TBC1D5: variants seen among roughly 807,000 people sequenced by gnomAD.
The protein encoded by TBC1D5 is TBC1 domain family, member 5.
A neutral mutation model predicts 100.3 loss-of-function variants in TBC1D5; 75 were observed. The ratio of observed to expected loss-of-function variants is 0.75; its 90% CI spans 0.62 to 0.91. TBC1D5 has a LOEUF of 0.91. TBC1D5 is among the 40% of genes least tolerant of loss of function. The probability of loss-of-function intolerance (pLI) is 0.00; values close to 1 mark genes in which losing one functional copy is unlikely to be tolerated. For missense variants in TBC1D5, 910 were observed against 942.4 expected (o/e 0.97, Z 0.45); for synonymous variants, 323 against 325.6 (o/e 0.99, Z 0.09).
intron 18 of TBC1D5, among the ~76,000 whole-genome samples, chr3:17,206,092 A>C (rs769614658): frequency 6.6e-6 from 1 of 152,198 alleles, no homozygotes; most frequent in Non-Finnish European, 1.5e-5. Context: ...CTACCTGCTC[A>C]ATATCCGCCA....
intron 17 of TBC1D5, among the ~76,000 whole-genome samples, chr3:17,215,216 G>A (rs2073483559): frequency 6.6e-6 from 1 of 152,072 alleles, no homozygotes; most frequent in South Asian, 2.1e-4. Flanking sequence ...GGTCAAGTGG[G>A]GGTGAGTCAG....
chr3:17,239,557 G>A (rs2076145276), intron 16 of TBC1D5, among the ~76,000 whole-genome samples: 1 of 152,104 alleles, frequency 6.6e-6, no homozygotes, highest in Admixed American at 6.5e-5. Flanking sequence ...CTCCAGCTGT[G>A]GCCTATTTGC....
intron 19 of TBC1D5, among the ~76,000 whole-genome samples, chr3:17,179,439 C>T (rs946400875): frequency 6.6e-6 from 1 of 152,198 alleles, no homozygotes; most frequent in African/African-American, 2.4e-5. Flanking sequence ...CCTTTTTCAG[C>T]TAATTCATGC....
At chr3:17,463,648 T>G (rs182282064) in intron 3 of TBC1D5, among the ~76,000 whole-genome samples, 29 of 152,314 alleles carry the variant, frequency 1.9e-4, no homozygotes, top group Admixed American at 1.9e-3. Flanking sequence ...ATATCAAAAT[T>G]TTAAATGAAG....
At chr3:17,463,120 C>A (rs922048429) in intron 3 of TBC1D5, among the ~76,000 whole-genome samples, 1 of 152,182 alleles carries the variant, frequency 6.6e-6, no homozygotes, top group African/African-American at 2.4e-5. Flanking sequence ...TTATATCCTG[C>A]TGTACTACTA....
chr3:17,501,930 T>C (rs1229162680), intron 3 of TBC1D5, among the ~76,000 whole-genome samples: 1 of 149,808 alleles, frequency 6.7e-6, no homozygotes, highest in Non-Finnish European at 1.5e-5. Flanking sequence ...CGCCTTGTTA[T>C]TCACTGTCAG....
chr3:17,710,707 AT>A (rs1174662328), intron 1 of TBC1D5, among the ~76,000 whole-genome samples: 1 of 151,870 alleles, frequency 6.6e-6, no homozygotes, highest in Non-Finnish European at 1.5e-5. Flanking sequence ...TTATTTATTT[AT>A]TTATTTTGAG....
intron 4 of TBC1D5, among the ~76,000 whole-genome samples, chr3:17,427,068 T>A (rs1350131058): frequency 6.6e-6 from 1 of 152,074 alleles, no homozygotes. Context: ...TAGGGGATTC[T>A]ACCTATAGTT....
intron 16 of TBC1D5, among the ~76,000 whole-genome samples, chr3:17,241,564 A>G (rs974021214): frequency 3.9e-5 from 6 of 152,176 alleles, no homozygotes; most frequent in African/African-American, 1.4e-4. Context: ...TCTGCCAGGA[A>G]CTTAACTTTT....
At chr3:17,249,761 G>A (rs1262067886) in intron 16 of TBC1D5, among the ~76,000 whole-genome samples, 1 of 152,130 alleles carries the variant, frequency 6.6e-6, no homozygotes, top group Admixed American at 6.5e-5. Flanking sequence ...AAGTCTCAAG[G>A]AATAGGGAGG....
chr3:17,181,377 G>T (rs1415925584), intron 19 of TBC1D5, among the ~76,000 whole-genome samples: 1 of 152,198 alleles, frequency 6.6e-6, no homozygotes, highest in African/African-American at 2.4e-5. Context: ...AGAAGAGACA[G>T]TTAAAGAGTT....
chr3:17,361,792 G>A lies in TBC1D5; in HGVS notation c.995+10283C>T, dbSNP rs191243614. 2.0e-5 allele frequency among the ~76,000 whole-genome samples: 3 copies of A among 151,950 alleles called. No individual in the cohort carries two copies. In the East Asian group the frequency reaches 5.8e-4, roughly 29 times the overall value. ...TAAAAACATACTTAAAAAGAAGAAA[G>A]GTCTGAAGTCAATAATCTGACCTCC... On this transcript the variant is annotated intron_variant, in intron 13 of 21. Coordinates refer to ENST00000253692, the Ensembl canonical transcript of TBC1D5.
intron 15 of TBC1D5, among the ~76,000 whole-genome samples, chr3:17,290,968 G>T (rs761259177): frequency 1.3e-5 from 2 of 152,182 alleles, no homozygotes; most frequent in Admixed American, 6.5e-5. Flanking sequence ...AACAACCAAG[G>T]AAAGGACAGA....
intron 17 of TBC1D5, among the ~76,000 whole-genome samples, chr3:17,232,711 T>G (rs1054581300): frequency 6.6e-6 from 1 of 152,132 alleles, no homozygotes; most frequent in African/African-American, 2.4e-5. Context: ...GGTTTTTGTT[T>G]TTTAAGTTAA....
At chr3:17,202,870 CTA>C (rs915131822) in intron 18 of TBC1D5, among the ~76,000 whole-genome samples, 16 of 152,314 alleles carry the variant, frequency 1.1e-4, no homozygotes, top group Middle Eastern at 3.4e-3. Flanking sequence ...TGGAAGTTGG[CTA>C]TAGGGCTGAG....
chr3:17,715,848 A>G (rs973024631), intron 1 of TBC1D5, among the ~76,000 whole-genome samples: 6 of 152,148 alleles, frequency 3.9e-5, no homozygotes, highest in African/African-American at 1.4e-4. Context: ...CACGAGGTCA[A>G]GAGTTTGAGA....
At position 17,214,242 on chromosome 3, in the gene TBC1D5, GAGAAC is replaced by G. The variant is rs1559422244; in HGVS notation, c.1712_1716del (p.Arg571ProfsTer13). 28 of 1,613,222 alleles carry G rather than the reference GAGAAC, an allele frequency of 1.7e-5. No individual in the cohort carries two copies. The highest frequency in any genetic ancestry group is 2.3e-5 in the Non-Finnish European group (27 of 1,179,662). On this transcript the variant is annotated frameshift_variant, in exon 18 of 22. Coordinates refer to ENST00000253692, the Ensembl canonical transcript of TBC1D5. LOFTEE classifies it high-confidence loss of function. ...CTGCCCATAGTTTTGCTGTGTGAGC[GAGAAC>G]GTGAGATGTTGCTAAAAAAGGAATC... is the stretch of plus-strand genomic sequence containing the variant.
At chr3:17,496,449 C>T (rs2095708357) in intron 3 of TBC1D5, among the ~76,000 whole-genome samples, 1 of 150,200 alleles carries the variant, frequency 6.7e-6, no homozygotes, top group South Asian at 2.1e-4. Context: ...TACATACATG[C>T]ACACACACAC....
chr3:17,246,772 A>G (rs1226454589), intron 16 of TBC1D5, among the ~76,000 whole-genome samples: 5 of 152,236 alleles, frequency 3.3e-5, no homozygotes, highest in Non-Finnish European at 7.4e-5. Context: ...TACAAATGGT[A>G]GAACCACACA....
Sources: allele counts gnomAD v4.1 joint callset (sites outside exome capture counted in the v4.1 genomes callset), GRCh38; gene constraint gnomAD v4.1.1; transcripts MANE v1.5; gene names NCBI Gene and HGNC (gene_info 2026-07-23, HGNC 2026-07-21).